The following LHFPL3 variants were observed in gnomAD, a reference collection of about 807,000 sequenced individuals.
The protein encoded by LHFPL3 is LHFPL tetraspan subfamily member 3, also known as LHFPL tetraspan subfamily member 3 protein.
Under a neutral mutation model 19.3 loss-of-function variants are expected in LHFPL3, and 5 were observed. That is an observed-to-expected ratio of 0.26 (90% confidence interval 0.14 to 0.54). The LOEUF (loss-of-function observed/expected upper bound fraction) is 0.54, where lower values mean the gene tolerates loss of function less well. Among genes scored for constraint, LHFPL3 ranks in the 20% least tolerant of loss-of-function variants. LHFPL3 has a pLI of 0.94. For synonymous variants in LHFPL3, 133 were observed against 126.2 expected (o/e 1.05, Z -0.36); for missense variants, 249 against 307.4 (o/e 0.81, Z 1.42).
At chr7:104,754,533 T>C (rs1254108322) in intron 2 of LHFPL3, among the ~76,000 whole-genome samples, 2 of 152,220 alleles carry the variant, frequency 1.3e-5, no homozygotes, top group Non-Finnish European at 2.9e-5. Context: ...CTTAAGCTTC[T>C]TCGTGTGTAA....
intron 1 of LHFPL3, among the ~76,000 whole-genome samples, chr7:104,372,225 T>A (rs1584273902): frequency 6.6e-6 from 1 of 152,176 alleles, no homozygotes; most frequent in Non-Finnish European, 1.5e-5. Context: ...CTGGAGGTAA[T>A]GAGGAAACTA....
At chr7:104,393,597 T>C (rs1447390659) in intron 1 of LHFPL3, among the ~76,000 whole-genome samples, 2 of 151,974 alleles carry the variant, frequency 1.3e-5, no homozygotes, top group Non-Finnish European at 2.9e-5. Flanking sequence ...ACACCTGTAA[T>C]CCCAACTACT....
chr7:104,458,947 C>T (rs1056387730), intron 1 of LHFPL3, among the ~76,000 whole-genome samples: 1 of 152,178 alleles, frequency 6.6e-6, no homozygotes, highest in African/African-American at 2.4e-5. Flanking sequence ...ACAGCACTGT[C>T]AGCCGTGGAG....
At chr7:104,834,090 G>A (rs111829655) in intron 2 of LHFPL3, among the ~76,000 whole-genome samples, 43 of 150,572 alleles carry the variant, frequency 2.9e-4, no homozygotes, top group Admixed American at 2.3e-3. Context: ...ACCTTTTCAC[G>A]TTTTTCTGCC....
At chr7:104,481,560 G>T (rs984153253) in intron 1 of LHFPL3, among the ~76,000 whole-genome samples, 8 of 151,506 alleles carry the variant, frequency 5.3e-5, no homozygotes, top group African/African-American at 1.9e-4. Context: ...TCTCCCTATT[G>T]TTCATGTCTC....
chr7:104,593,809 C>T (rs1790780493), intron 1 of LHFPL3, among the ~76,000 whole-genome samples: 1 of 152,100 alleles, frequency 6.6e-6, no homozygotes, highest in Non-Finnish European at 1.5e-5. Flanking sequence ...TTCTTTGTCT[C>T]TTTTGAACCA....
chr7:104,576,527 C>G (rs1790341935), intron 1 of LHFPL3, among the ~76,000 whole-genome samples: 1 of 152,170 alleles, frequency 6.6e-6, no homozygotes, highest in Admixed American at 6.5e-5. Flanking sequence ...TCTTAACCTT[C>G]CAGACTATCT....
chr7:104,706,146 G>T (rs929320480), intron 1 of LHFPL3, among the ~76,000 whole-genome samples: 3 of 152,074 alleles, frequency 2.0e-5, no homozygotes, highest in Admixed American at 2.0e-4. Context: ...CATATCAATT[G>T]ACTATTTTAT....
intron 1 of LHFPL3, among the ~76,000 whole-genome samples, chr7:104,715,471 C>A (rs566183904): frequency 6.6e-6 from 1 of 152,238 alleles, no homozygotes; most frequent in South Asian, 2.1e-4. Flanking sequence ...GTCATCCTTG[C>A]CTTATTCCTG....
intron 1 of LHFPL3, among the ~76,000 whole-genome samples, chr7:104,596,028 T>C (rs775328582): frequency 5.9e-5 from 9 of 152,158 alleles, no homozygotes; most frequent in Non-Finnish European, 1.0e-4. Context: ...GGTGAGACAA[T>C]ACCCCACCCT....
chr7:104,575,559 T>TAAAAAAAAAAAAAAAAAAAA (rs58118006), intron 1 of LHFPL3, among the ~76,000 whole-genome samples: 6 of 36,174 alleles, frequency 1.7e-4, no homozygotes, highest in African/African-American at 3.1e-4. Flanking sequence ...CAAAGAGATC[T>TAAAAAAAAAAAAAAAAAAAA]AAAAAAAAAA....
At chr7:104,701,496 A>T (rs1332588527) in intron 1 of LHFPL3, among the ~76,000 whole-genome samples, 1 of 152,218 alleles carries the variant, frequency 6.6e-6, no homozygotes, top group Non-Finnish European at 1.5e-5. Context: ...ATTATAAGGA[A>T]GAGAAAATAT....
chr7:104,524,967 T>C (rs890904723), intron 1 of LHFPL3, among the ~76,000 whole-genome samples: 8 of 152,214 alleles, frequency 5.3e-5, no homozygotes, highest in Non-Finnish European at 8.8e-5. Flanking sequence ...TGTTGTAATG[T>C]TGGCTTTCTA....
chr7:104,668,794 C>T (rs1445869545), intron 1 of LHFPL3: 19 of 1,599,440 alleles, frequency 1.2e-5, no homozygotes, highest in African/African-American at 2.8e-5. Flanking sequence ...CTGCTAGTAA[C>T]TCCCAGTCCA....
chr7:104,748,782 C>T (rs1295564743), intron 2 of LHFPL3, among the ~76,000 whole-genome samples: 2 of 152,130 alleles, frequency 1.3e-5, no homozygotes, highest in Admixed American at 1.3e-4. Flanking sequence ...CCCGGGTCCC[C>T]TTATTTCTTT....
intron 1 of LHFPL3, among the ~76,000 whole-genome samples, chr7:104,681,681 C>T (rs905953000): frequency 6.6e-6 from 1 of 152,018 alleles, no homozygotes; most frequent in Non-Finnish European, 1.5e-5. Context: ...TTTAATCCCC[C>T]AGGGCCTTAT....
At chr7:104,554,631 TTAGATAGACAGATAGATAGATAGA>T (rs1562932723) in intron 1 of LHFPL3, among the ~76,000 whole-genome samples, 3 of 141,810 alleles carry the variant, frequency 2.1e-5, no homozygotes, top group African/African-American at 7.8e-5. Context: ...ATAGGATAGA[TTAGATAGACAGATAGATAGATAGA>T]TAGATAGATA....
chr7:104,823,170 TAATA>T (rs1387188548), intron 2 of LHFPL3, among the ~76,000 whole-genome samples: 7 of 152,186 alleles, frequency 4.6e-5, no homozygotes, highest in Non-Finnish European at 1.0e-4. Context: ...CTCCCCAGAT[TAATA>T]AATAATTTCA....
At chr7:104,459,516 C>G (rs530982198) in intron 1 of LHFPL3, among the ~76,000 whole-genome samples, 1 of 152,134 alleles carries the variant, frequency 6.6e-6, no homozygotes, top group Non-Finnish European at 1.5e-5. Flanking sequence ...CCAAAGTATA[C>G]TTTATTTAAT....
Sources: gnomAD v4.1 joint callset for allele counts (sites outside exome capture counted in the v4.1 genomes callset) on GRCh38, gnomAD v4.1.1 for gene constraint, MANE v1.5 for transcripts, NCBI Gene and HGNC (gene_info 2026-07-23, HGNC 2026-07-21) for gene names.